Variants in UACA observed in about 807,000 individuals in gnomAD.
The protein encoded by UACA is nuclear membrane binding protein.
A neutral mutation model predicts 160.5 loss-of-function variants in UACA; 112 were observed. That is an observed-to-expected ratio of 0.70 (90% CI 0.60 to 0.82). UACA has a LOEUF of 0.82. Among genes scored for constraint, UACA ranks in the 40% least tolerant of loss-of-function variants. The probability of loss-of-function intolerance (pLI) is 0.00; values close to 1 mark genes in which losing one functional copy is unlikely to be tolerated. For missense variants in UACA, 1,574 were observed against 1,614.6 expected, an observed-to-expected ratio of 0.97 and a Z score of 0.43; for synonymous variants, 557 against 568.4, an observed-to-expected ratio of 0.98 and a Z score of 0.29.
the UACA span, among the ~76,000 whole-genome samples, chr15:70,771,210 CA>C: frequency 6.6e-6 from 1 of 152,198 alleles, no homozygotes; most frequent in Non-Finnish European, 1.5e-5. Context: ...GGGAGGAAAT[CA>C]ACCTCAGGAA....
intron 1 of UACA, among the ~76,000 whole-genome samples, chr15:70,729,717 G>A (rs993263066): frequency 4.2e-5 from 6 of 142,998 alleles, no homozygotes; most frequent in South Asian, 2.2e-4. Context: ...CGTGAGCGAC[G>A]CAGAAGACGG....
At chr15:70,738,085 A>G (rs1435659685) in intron 1 of UACA, among the ~76,000 whole-genome samples, 1 of 152,254 alleles carries the variant, frequency 6.6e-6, no homozygotes, top group Non-Finnish European at 1.5e-5. Flanking sequence ...TTTAAAAACC[A>G]ACTTTTCTAT....
At chr15:70,768,339 A>T (rs983634381), upstream of UACA, 1 of 152,224 alleles carries the variant, frequency 6.6e-6, no homozygotes, top group Non-Finnish European at 1.5e-5. Flanking sequence ...CTTATGACAT[A>T]TCGAGTGTGC....
In UACA at chr15:70,749,698, C is replaced by CAAAAAAAAAAAAAAAAAA. The variant is rs11292883; in HGVS notation, c.78+13614_78+13631dup. Among the ~76,000 whole-genome samples the CAAAAAAAAAAAAAAAAAA allele has an allele frequency of 8.1e-4, 57 of 70,046 alleles. 3 individuals are homozygous for CAAAAAAAAAAAAAAAAAA. The highest frequency in any genetic ancestry group is 2.9e-3 in the African/African-American group (56 of 19,088). 46.0% of individuals were successfully genotyped at this position (70,046 alleles called of 152,430 possible). On this transcript the variant is annotated intron_variant, in intron 1 of 18. Coordinates refer to ENST00000322954, the MANE Select transcript of UACA (RefSeq NM_018003.4). ...TGGGCGACAGAGGAAGACTCCGTCTCAAAAAAAAAAAAAAAAAAAAAAAGT... is the reference window on the plus strand; with the variant it reads ...TGGGCGACAGAGGAAGACTCCGTCTCAAAAAAAAAAAAAAAAAAAAAAAAAAAAAAAAAAAAAAAAAGT...
At chr15:70,662,310 T>C (rs1896737786) in intron 17 of UACA, among the ~76,000 whole-genome samples, 2 of 152,184 alleles carry the variant, frequency 1.3e-5, no homozygotes, top group South Asian at 4.1e-4. Context: ...ACAAGAGATG[T>C]GAAGGACCTC....
chr15:70,744,549 T>A (rs1899642266), intron 1 of UACA, among the ~76,000 whole-genome samples: 1 of 152,200 alleles, frequency 6.6e-6, no homozygotes, highest in African/African-American at 2.4e-5. Context: ...TTTCAGCTAT[T>A]AATGGAATAA....
intron 9 of UACA, 94 bp from the exon 10 acceptor site, chr15:70,679,770 T>A: frequency 1.4e-6 from 1 of 725,110 alleles, no homozygotes. Context: ...TTAGTGATTT[T>A]CAGTTTATCC....
chr15:70,676,424 CA>C, intron 13 of UACA, 68 bp downstream of exon 13: 7 of 1,121,304 alleles, frequency 6.2e-6, no homozygotes, highest in Non-Finnish European at 9.1e-6. Flanking sequence ...AATTCAAATT[CA>C]AGTCTGATGC....
intron 1 of UACA, among the ~76,000 whole-genome samples, chr15:70,755,680 A>AAAT (rs1029979257): frequency 3.9e-5 from 6 of 152,128 alleles, no homozygotes; most frequent in Non-Finnish European, 7.4e-5. Context: ...CAAAAATAAA[A>AAAT]AAAAAAAAGA....
intron 1 of UACA, among the ~76,000 whole-genome samples, chr15:70,715,976 C>T (rs1238781430): frequency 3.3e-5 from 5 of 152,148 alleles, no homozygotes; most frequent in Admixed American, 6.5e-5. Context: ...GTGGATGATG[C>T]AGTGGATGAT....
chr15:70,756,956 C>T (rs1349915665), intron 1 of UACA, among the ~76,000 whole-genome samples: 2 of 152,138 alleles, frequency 1.3e-5, no homozygotes, highest in African/African-American at 2.4e-5. Context: ...TCAAATAATT[C>T]GATATCATCA....
intron 1 of UACA, among the ~76,000 whole-genome samples, chr15:70,746,983 G>C (rs560141709): frequency 2.0e-5 from 3 of 152,206 alleles, no homozygotes; most frequent in African/African-American, 4.8e-5. Flanking sequence ...GGGCCTGTCA[G>C]GGGGTGGCAG....
intron 2 of UACA, among the ~76,000 whole-genome samples, chr15:70,695,886 T>C (rs1482177049): frequency 6.6e-6 from 1 of 152,232 alleles, no homozygotes; most frequent in African/African-American, 2.4e-5. Flanking sequence ...AAATATTTTG[T>C]GTGCAATGAG....
upstream of UACA, among the ~76,000 whole-genome samples, chr15:70,765,921 G>A (rs2030999594): frequency 6.6e-6 from 1 of 152,198 alleles, no homozygotes. Flanking sequence ...TGGCTCTTGA[G>A]TTATTAATTG....
intron 18 of UACA, among the ~76,000 whole-genome samples, chr15:70,657,385 TG>T (rs1376593076): frequency 4.6e-5 from 7 of 150,840 alleles, no homozygotes; most frequent in Middle Eastern, 3.2e-3. Flanking sequence ...CTGAGGTGGG[TG>T]GATCATTTGA....
chr15:70,683,314 G>A (rs545300425), intron 8 of UACA, among the ~76,000 whole-genome samples: 6 of 151,902 alleles, frequency 3.9e-5, no homozygotes, highest in African/African-American at 1.5e-4. Context: ...AGCTATGATG[G>A]CACCACTATA....
chr15:70,703,292 T>G (rs550690284), intron 1 of UACA: 695 of 1,284,780 alleles, frequency 5.4e-4, no homozygotes, highest in Non-Finnish European at 6.2e-4. Context: ...ATGCAAAACA[T>G]TCCAACACAA....
At position 70,684,449 on chromosome 15, in the gene UACA, A is replaced by G. The variant is rs1190112191; in HGVS notation, c.603-3T>C. On this transcript the variant is annotated splice_region_variant and splice_polypyrimidine_tract_variant and intron_variant, in intron 7 of 18. Coordinates refer to ENST00000322954, the MANE Select transcript of UACA (RefSeq NM_018003.4). ...CGCAACCTAGCATGAGGGCAGTTCT[A>G]AATGGAAAAATGGAAGAGCAAAAGA... The G allele has an allele frequency of 3.1e-6, 5 of 1,593,004 alleles. No homozygotes were observed. In the South Asian group the frequency reaches 4.6e-5, roughly 15 times the overall value.
Position 70,655,938 on chromosome 15 carries a change from TAAC to T in UACA, c.*1115_*1117del, listed in dbSNP as rs1247891531. 6.6e-6 allele frequency: 1 copy of T among 152,178 alleles called. No individual in the cohort carries two copies. The highest frequency in any genetic ancestry group is 1.5e-5 in the Non-Finnish European group (1 of 68,012). The allele number at this position is 152,178 out of a possible 1,614,324, so 9.4% of individuals were successfully genotyped here. On this transcript the variant is annotated 3_prime_UTR_variant, in exon 19 of 19. Transcript: ENST00000322954. The stretch of plus-strand genomic sequence containing the variant: ...TGGTAAATAAAATGTTAATAAAAAA[TAAC>T]AAGACATATAAACTTTCCCTAATGA...
Sources: gnomAD v4.1 joint callset for allele counts (sites outside exome capture counted in the v4.1 genomes callset) on GRCh38, gnomAD v4.1.1 for gene constraint, MANE v1.5 for transcripts, NCBI Gene and HGNC (gene_info 2026-07-23, HGNC 2026-07-21) for gene names.